Variants in PPA2 observed in about 807,000 individuals in gnomAD.
PPA2 encodes inorganic pyrophosphatase 2, mitochondrial.
A neutral mutation model predicts 49.5 loss-of-function variants in PPA2; 48 were observed. The ratio of observed to expected loss-of-function variants is 0.97; its 90% CI spans 0.77 to 1.23. The LOEUF (loss-of-function observed/expected upper bound fraction) is 1.23, where lower values mean the gene tolerates loss of function less well. PPA2 is among the 50% of genes most tolerant of loss of function. The pLI is 0.00. For missense variants in PPA2, 429 were observed against 410.1 expected (o/e 1.05, Z -0.40); for synonymous variants, 131 against 139.9 (o/e 0.94, Z 0.45).
intron 7 of PPA2, among the ~76,000 whole-genome samples, chr4:105,411,050 A>T (rs946477417): frequency 6.6e-6 from 1 of 152,226 alleles, no homozygotes; most frequent in African/African-American, 2.4e-5. Flanking sequence ...ACAGGACTAA[A>T]TTCACACATA....
chr4:105,391,344 C>CAAAAAAA (rs11373169), intron 9 of PPA2, among the ~76,000 whole-genome samples: 31 of 102,494 alleles, frequency 3.0e-4, no homozygotes, highest in East Asian at 1.2e-3. Flanking sequence ...CTTAAAGTAA[C>CAAAAAAA]AAAAAAAAAA....
At chr4:105,463,683 G>T (rs968455777) in intron 1 of PPA2, among the ~76,000 whole-genome samples, 1 of 152,198 alleles carries the variant, frequency 6.6e-6, no homozygotes, top group African/African-American at 2.4e-5. Flanking sequence ...TGCAGCCTAG[G>T]GAGTTGGTGC....
At chr4:105,469,450 C>A (rs1382441373) in intron 1 of PPA2, among the ~76,000 whole-genome samples, 1 of 152,316 alleles carries the variant, frequency 6.6e-6, no homozygotes, top group Non-Finnish European at 1.5e-5. Context: ...AATGTGAAAA[C>A]CATACCTAAT....
intron 9 of PPA2, among the ~76,000 whole-genome samples, chr4:105,388,825 C>CAAAAAAAAA (rs771537412): frequency 3.5e-5 from 2 of 56,852 alleles, no homozygotes; most frequent in African/African-American, 1.0e-4. Flanking sequence ...GCAACGTCTC[C>CAAAAAAAAA]AAAAAAAAAA....
chr4:105,387,788 A>G (rs953908539), intron 9 of PPA2, among the ~76,000 whole-genome samples: 1 of 152,062 alleles, frequency 6.6e-6, no homozygotes, highest in African/African-American at 2.4e-5. Context: ...AAAAAAAGAC[A>G]GTTTTTTGTC....
chr4:105,379,141 T>C (rs1476763034), intron 10 of PPA2, among the ~76,000 whole-genome samples: 3 of 151,960 alleles, frequency 2.0e-5, no homozygotes, highest in African/African-American at 7.2e-5. Context: ...ATGAACATTA[T>C]GTATCTCTTC....
chr4:105,391,876 TA>T lies in PPA2; in HGVS notation c.869+4372del, dbSNP rs202155208. Among the ~76,000 whole-genome samples the T allele has an allele frequency of 8.2e-4, 125 of 151,872 alleles. 1 individual carries two copies. The highest frequency in any genetic ancestry group is 3.4e-3 in the Middle Eastern group (1 of 294). On this transcript the variant is annotated intron_variant, in intron 9 of 11. Transcript: ENST00000341695. ...TATTAAACAGGAGAATGATTGTTAATAAAAAAAGAGTATGAGTAAAGAAATA... is the reference window on the plus strand; with the variant it reads ...TATTAAACAGGAGAATGATTGTTAATAAAAAAGAGTATGAGTAAAGAAATA...
At chr4:105,383,085 A>G (rs1202241382) in intron 10 of PPA2, among the ~76,000 whole-genome samples, 1 of 152,210 alleles carries the variant, frequency 6.6e-6, no homozygotes. Flanking sequence ...CACATGCTGT[A>G]GCCCACTCAG....
intron 7 of PPA2, among the ~76,000 whole-genome samples, chr4:105,414,357 CT>C (rs1722904165): frequency 6.6e-6 from 1 of 152,236 alleles, no homozygotes. Flanking sequence ...CCAGTGGCGC[CT>C]TTTCCCGAGT....
intron 1 of PPA2, among the ~76,000 whole-genome samples, chr4:105,457,829 T>C (rs1722931579): frequency 6.6e-6 from 1 of 152,176 alleles, no homozygotes; most frequent in African/African-American, 2.4e-5. Context: ...CCTCCCGAAG[T>C]ATAGGGATTA....
chr4:105,413,322 G>A lies in PPA2; in HGVS notation c.655+10874C>T, dbSNP rs750735632. 6.4e-4 allele frequency among the ~76,000 whole-genome samples: 97 copies of A among 152,098 alleles called. 1 individual carries two copies. Among genetic ancestry groups the A allele is most frequent in the Non-Finnish European group, 1.2e-3 (79 of 68,006 alleles). ...CATCACACACCAGGGCCTGTTGGGGGGTGGGGGACTGGGGGAGGGATAGTA... is the reference window on the plus strand; with the variant it reads ...CATCACACACCAGGGCCTGTTGGGGAGTGGGGGACTGGGGGAGGGATAGTA... On this transcript the variant is annotated intron_variant, in intron 7 of 11. Transcript: ENST00000341695.
chr4:105,437,363 A>G (rs1724111967), intron 6 of PPA2, among the ~76,000 whole-genome samples: 1 of 152,200 alleles, frequency 6.6e-6, no homozygotes, highest in Non-Finnish European at 1.5e-5. Context: ...TAAACGTAGT[A>G]GAAAATAGAA....
At chr4:105,467,341 G>A (rs1310245092) in intron 1 of PPA2, among the ~76,000 whole-genome samples, 1 of 152,242 alleles carries the variant, frequency 6.6e-6, no homozygotes, top group Non-Finnish European at 1.5e-5. Context: ...CAGGTGTGCA[G>A]AGGAAAGAAC....
chr4:105,420,206 A>T (rs1723192588), intron 7 of PPA2, among the ~76,000 whole-genome samples: 1 of 152,204 alleles, frequency 6.6e-6, no homozygotes, highest in African/African-American at 2.4e-5. Flanking sequence ...TTCTGACCTC[A>T]GGTGATCTGC....
chr4:105,444,966 G>T (rs927100888), intron 5 of PPA2, among the ~76,000 whole-genome samples: 34 of 152,104 alleles, frequency 2.2e-4, no homozygotes, highest in African/African-American at 6.5e-4. Context: ...TGAAGAAAAT[G>T]AGGAAAAGTA....
intron 10 of PPA2, 124 bp downstream of exon 10, chr4:105,386,443 A>T: frequency 1.5e-6 from 1 of 684,528 alleles, no homozygotes; most frequent in Non-Finnish European, 2.3e-6. Context: ...TTTCAAGGTG[A>T]TCTGTAAACT....
chr4:105,407,386 T>C (rs893574669), intron 7 of PPA2, among the ~76,000 whole-genome samples: 5 of 152,220 alleles, frequency 3.3e-5, no homozygotes, highest in African/African-American at 1.2e-4. Context: ...GATACCTTGC[T>C]AGTAGAATAC....
At chr4:105,461,951 A>G (rs1176500099) in intron 1 of PPA2, among the ~76,000 whole-genome samples, 3 of 152,228 alleles carry the variant, frequency 2.0e-5, no homozygotes, top group Non-Finnish European at 4.4e-5. Context: ...CCTAAAGTGC[A>G]AAAGGATAAG....
chr4:105,449,461 C>A, intron 3 of PPA2, 58 bp from the exon 4 acceptor site: 1 of 1,074,942 alleles, frequency 9.3e-7, no homozygotes, highest in South Asian at 1.5e-5. Context: ...TTATTTTTTC[C>A]GTTACCTCCC....
Sources: gnomAD v4.1 joint callset for allele counts (sites outside exome capture counted in the v4.1 genomes callset) on GRCh38, gnomAD v4.1.1 for gene constraint, MANE v1.5 for transcripts, NCBI Gene and HGNC (gene_info 2026-07-23, HGNC 2026-07-21) for gene names.